Variants in LINGO2 observed in about 807,000 individuals in gnomAD.
The protein encoded by LINGO2 is leucine-rich repeat and immunoglobulin-like domain-containing nogo receptor-interacting protein 2.
LINGO2 carries 14 observed loss-of-function variants against 30.6 expected under a neutral mutation model. The observed-to-expected ratio is 0.46, with a 90% CI of 0.30 to 0.72. LINGO2 has a LOEUF of 0.72. Ranked by LOEUF, LINGO2 falls within the 30% of genes least tolerant of loss-of-function variation. The pLI is 0.07. For synonymous variants in LINGO2, 317 were observed against 288.5 expected (o/e 1.10, Z -1.00); for missense variants, 729 against 751.7 (o/e 0.97, Z 0.35).
chr9:28,209,865 C>T lies in LINGO2; in HGVS notation c.-87+85343G>A, dbSNP rs73645614. 6.3e-3 allele frequency among the ~76,000 whole-genome samples: 961 copies of T among 151,744 alleles called. 15 individuals carry two copies. Among genetic ancestry groups the T allele is most frequent in the African/African-American group, 0.022 (898 of 41,470 alleles). On this transcript the variant is annotated intron_variant, in intron 4 of 5. Coordinates refer to ENST00000379992, the Ensembl canonical transcript of LINGO2. ...TATTTTATTTCAACAGATAAGTAAA[C>T]AGATTCATCCTCCCAGGCTTATAAT...
At chr9:28,456,664 T>C (rs561695618) in intron 2 of LINGO2, among the ~76,000 whole-genome samples, 1 of 152,250 alleles carries the variant, frequency 6.6e-6, no homozygotes, top group South Asian at 2.1e-4. Flanking sequence ...GACTATGACC[T>C]TGAATGCCAG....
At chr9:28,985,794 A>G in the LINGO2 span, among the ~76,000 whole-genome samples, 1 of 152,026 alleles carries the variant, frequency 6.6e-6, no homozygotes, top group African/African-American at 2.4e-5. Flanking sequence ...GTTTGCAAAT[A>G]TATTCTCCCA....
At chr9:28,255,664 G>A (rs1259721373) in intron 4 of LINGO2, among the ~76,000 whole-genome samples, 1 of 151,986 alleles carries the variant, frequency 6.6e-6, no homozygotes, top group East Asian at 1.9e-4. Flanking sequence ...ATGCTTCAGT[G>A]GAATAAACAT....
intron 2 of LINGO2, among the ~76,000 whole-genome samples, chr9:28,418,679 T>A (rs538239893): frequency 9.9e-5 from 15 of 152,088 alleles, no homozygotes; most frequent in African/African-American, 3.1e-4. Flanking sequence ...AAAGAGACCA[T>A]TTAGATTGGG....
chr9:28,932,132 T>TAAAATAAAATA, the LINGO2 span, among the ~76,000 whole-genome samples: 1 of 99,814 alleles, frequency 1.0e-5, no homozygotes, highest in Non-Finnish European at 2.0e-5. Flanking sequence ...TAAAATAAAA[T>TAAAATAAAATA]AAGATAAAAT....
At chr9:28,917,623 A>T in the LINGO2 span, among the ~76,000 whole-genome samples, 1 of 152,140 alleles carries the variant, frequency 6.6e-6, no homozygotes, top group African/African-American at 2.4e-5. Flanking sequence ...AAGTTTTAAA[A>T]GTCTCATAAA....
the LINGO2 span, among the ~76,000 whole-genome samples, chr9:28,834,405 T>C: frequency 6.6e-6 from 1 of 152,346 alleles, no homozygotes; most frequent in South Asian, 2.1e-4. Flanking sequence ...TCAATGTTGC[T>C]ATGTATCTAT....
At chr9:28,728,419 AAAAGG>A in the LINGO2 span, among the ~76,000 whole-genome samples, 2 of 152,152 alleles carry the variant, frequency 1.3e-5, no homozygotes, top group African/African-American at 4.8e-5. Flanking sequence ...GAAAAAAAAG[AAAAGG>A]AAAGGAATAA....
the LINGO2 span, among the ~76,000 whole-genome samples, chr9:28,993,770 T>C: frequency 1.3e-5 from 2 of 150,828 alleles, no homozygotes; most frequent in African/African-American, 2.4e-5. Context: ...AAAAACCACA[T>C]GATTTATCTC....
At chr9:29,194,387 C>T in the LINGO2 span, among the ~76,000 whole-genome samples, 1 of 152,154 alleles carries the variant, frequency 6.6e-6, no homozygotes, top group Non-Finnish European at 1.5e-5. Context: ...TTCTGGGGTC[C>T]TCTCACCCTG....
the LINGO2 span, among the ~76,000 whole-genome samples, chr9:28,915,661 A>G: frequency 6.6e-6 from 1 of 152,210 alleles, no homozygotes; most frequent in South Asian, 2.1e-4. Flanking sequence ...TACATGAAGA[A>G]TGCTGGTCAC....
At chr9:28,006,874 G>C (rs564284084) in intron 5 of LINGO2, among the ~76,000 whole-genome samples, 1 of 152,178 alleles carries the variant, frequency 6.6e-6, no homozygotes, top group Non-Finnish European at 1.5e-5. Flanking sequence ...GTTTATGGTT[G>C]AACAAGTGTA....
the LINGO2 span, among the ~76,000 whole-genome samples, chr9:29,018,035 T>G: frequency 3.9e-3 from 553 of 142,762 alleles, 7 homozygotes; most frequent in African/African-American, 0.014. Context: ...TATATATATA[T>G]AGAGAGAGAG....
intron 4 of LINGO2, among the ~76,000 whole-genome samples, chr9:28,277,954 G>A (rs1306542313): frequency 6.6e-6 from 1 of 151,982 alleles, no homozygotes; most frequent in Non-Finnish European, 1.5e-5. Flanking sequence ...TAGCCAAGTT[G>A]TGAATGCAAA....
rs1822213518 is a variant in LINGO2 at position 28,550,450 on chromosome 9, T to C, written c.-364-74425A>G. Among the ~76,000 whole-genome samples, 3 of 151,848 alleles carry C rather than the reference T, an allele frequency of 2.0e-5. No individual in the cohort carries two copies. In the South Asian group the frequency reaches 6.2e-4, roughly 31 times the overall value. ...ACTGTATTTTTATTTCTATTAGTTC[T>C]ATATAATTATTTCCAAGCATGCCTT... On this transcript the variant is annotated intron_variant, in intron 1 of 5. Transcript: ENST00000379992.
intron 2 of LINGO2, among the ~76,000 whole-genome samples, chr9:28,468,625 T>C (rs1200637211): frequency 6.6e-6 from 1 of 152,176 alleles, no homozygotes; most frequent in Non-Finnish European, 1.5e-5. Context: ...CTCCAAGCCC[T>C]TGTTTACCCA....
the LINGO2 span, among the ~76,000 whole-genome samples, chr9:28,722,331 T>C: frequency 6.6e-6 from 1 of 152,124 alleles, no homozygotes; most frequent in African/African-American, 2.4e-5. Flanking sequence ...CATTTTGAAA[T>C]CTTTTGTTTG....
At chr9:29,131,930 C>T in the LINGO2 span, among the ~76,000 whole-genome samples, 1 of 151,104 alleles carries the variant, frequency 6.6e-6, no homozygotes, top group African/African-American at 2.4e-5. Context: ...CCCTTTGATT[C>T]CCTGGTACAA....
At chr9:28,468,442 A>T in intron 2 of LINGO2, among the ~76,000 whole-genome samples, 1 of 152,228 alleles carries the variant, frequency 6.6e-6, no homozygotes, top group East Asian at 1.9e-4. Context: ...AGTGGCATGC[A>T]TGCAAAAACT....
Sources: gnomAD v4.1 joint callset for allele counts (sites outside exome capture counted in the v4.1 genomes callset) on GRCh38, gnomAD v4.1.1 for gene constraint, MANE v1.5 for transcripts, NCBI Gene and HGNC (gene_info 2026-07-23, HGNC 2026-07-21) for gene names.